KCTD8: variants seen among roughly 807,000 people sequenced by gnomAD.
KCTD8 encodes the protein potassium channel tetramerization domain containing 8.
Under a neutral mutation model 31.5 loss-of-function variants are expected in KCTD8, and 27 were observed. The observed-to-expected ratio is 0.86, with a 90% CI of 0.63 to 1.18. KCTD8 has a LOEUF of 1.18. KCTD8 is among the 50% of genes most tolerant of loss of function. KCTD8 has a pLI of 0.00. For missense variants in KCTD8, 658 were observed against 647.7 expected, an observed-to-expected ratio of 1.02 and a Z score of -0.17; for synonymous variants, 290 against 280.0, an observed-to-expected ratio of 1.04 and a Z score of -0.36.
At chr4:44,414,929 C>T (rs375119452) in intron 1 of KCTD8, among the ~76,000 whole-genome samples, 20 of 152,130 alleles carry the variant, frequency 1.3e-4, no homozygotes, top group African/African-American at 2.7e-4. Context: ...GGAGATTAGA[C>T]GAGTTTGGAG....
intron 1 of KCTD8, among the ~76,000 whole-genome samples, chr4:44,371,065 G>A (rs921572434): frequency 2.0e-5 from 3 of 152,004 alleles, no homozygotes; most frequent in Non-Finnish European, 2.9e-5. Context: ...GAGGCCAATG[G>A]TGTAAATCCA....
chr4:44,421,448 T>G (rs1011477788), intron 1 of KCTD8, among the ~76,000 whole-genome samples: 3 of 152,056 alleles, frequency 2.0e-5, no homozygotes, highest in African/African-American at 7.2e-5. Context: ...CCAACAGAGA[T>G]TCTGATTCAG....
chr4:44,223,060 G>A (rs550204606), intron 1 of KCTD8, among the ~76,000 whole-genome samples: 1 of 152,294 alleles, frequency 6.6e-6, no homozygotes, highest in Admixed American at 6.5e-5. Flanking sequence ...GGGCAATATT[G>A]GAAGCAGGGA....
chr4:44,326,333 A>AT (rs903098043), intron 1 of KCTD8, among the ~76,000 whole-genome samples: 21 of 151,564 alleles, frequency 1.4e-4, no homozygotes, highest in Non-Finnish European at 3.0e-4. Flanking sequence ...AGCTGTCTGC[A>AT]TTTTTTTGCA....
At chr4:44,348,820 A>C (rs1019785200) in intron 1 of KCTD8, among the ~76,000 whole-genome samples, 8 of 152,096 alleles carry the variant, frequency 5.3e-5, no homozygotes, top group Admixed American at 4.6e-4. Flanking sequence ...CCTCCTTGAC[A>C]GGTTGGCAGT....
In KCTD8 at chr4:44,325,704, C is replaced by A. The variant is rs188823770; in HGVS notation, c.961+121859G>T. On this transcript the variant is annotated intron_variant, in intron 1 of 1. Transcript: ENST00000360029. ...AGGCATATGATATATACCTTTGCCC[C>A]AGGCACAAAGATATTATCGGCAGGC... Among the ~76,000 whole-genome samples, 142 of 151,860 alleles carry A rather than the reference C, an allele frequency of 9.4e-4. 1 individual carries two copies. The highest frequency in any genetic ancestry group is 3.4e-3 in the African/African-American group (140 of 41,376).
chr4:44,309,375 G>T (rs1717888902), intron 1 of KCTD8, among the ~76,000 whole-genome samples: 1 of 151,984 alleles, frequency 6.6e-6, no homozygotes, highest in African/African-American at 2.4e-5. Flanking sequence ...ATTAAAAGCA[G>T]GTGTTTGTAC....
At chr4:44,201,330 A>C (rs2109339276) in intron 1 of KCTD8, among the ~76,000 whole-genome samples, 1 of 152,294 alleles carries the variant, frequency 6.6e-6, no homozygotes, top group Non-Finnish European at 1.5e-5. Context: ...ATGGAACCAA[A>C]AAAGAGCCTA....
At chr4:44,415,367 A>G (rs1197562117) in intron 1 of KCTD8, among the ~76,000 whole-genome samples, 1 of 152,188 alleles carries the variant, frequency 6.6e-6, no homozygotes, top group East Asian at 1.9e-4. Flanking sequence ...TAGAGAAAGA[A>G]TCCAAGCAGG....
At chr4:44,398,077 G>A (rs1036706399) in intron 1 of KCTD8, among the ~76,000 whole-genome samples, 2 of 152,080 alleles carry the variant, frequency 1.3e-5, no homozygotes, top group African/African-American at 4.8e-5. Flanking sequence ...TAGGTTCAGA[G>A]AATAAAAGTC....
chr4:44,212,549 G>T (rs1356784844), intron 1 of KCTD8, among the ~76,000 whole-genome samples: 1 of 151,978 alleles, frequency 6.6e-6, no homozygotes, highest in Admixed American at 6.6e-5. Context: ...TCAACATTTG[G>T]TTGGAAAAAT....
chr4:44,375,411 G>C (rs552228483), intron 1 of KCTD8, among the ~76,000 whole-genome samples: 1 of 152,192 alleles, frequency 6.6e-6, no homozygotes, highest in East Asian at 1.9e-4. Flanking sequence ...GAAGGGGGTG[G>C]AGGAACAGGA....
chr4:44,372,382 G>A (rs1002342923), intron 1 of KCTD8, among the ~76,000 whole-genome samples: 2 of 152,106 alleles, frequency 1.3e-5, no homozygotes, highest in African/African-American at 4.8e-5. Context: ...CAGATGCACT[G>A]GTAATGCTAA....
At chr4:44,367,227 T>A (rs1050705412) in intron 1 of KCTD8, among the ~76,000 whole-genome samples, 1 of 152,122 alleles carries the variant, frequency 6.6e-6, no homozygotes, top group Admixed American at 6.5e-5. Flanking sequence ...CCTCCCTTAC[T>A]AGTAGAAATC....
chr4:44,426,674 T>C (rs1721356623), intron 1 of KCTD8, among the ~76,000 whole-genome samples: 1 of 151,768 alleles, frequency 6.6e-6, no homozygotes, highest in Non-Finnish European at 1.5e-5. Context: ...AAAACGAATA[T>C]ATTTATAAGT....
chr4:44,190,255 G>A (rs1713726684), intron 1 of KCTD8, among the ~76,000 whole-genome samples: 1 of 152,164 alleles, frequency 6.6e-6, no homozygotes, highest in Non-Finnish European at 1.5e-5. Context: ...CCTCCCCCTA[G>A]TTCCAGCTTA....
At chr4:44,385,407 G>A (rs531728178) in intron 1 of KCTD8, among the ~76,000 whole-genome samples, 145 of 151,700 alleles carry the variant, frequency 9.6e-4, no homozygotes, top group Non-Finnish European at 1.4e-3. Flanking sequence ...TTACTTATAC[G>A]GTAAAATGAT....
At chr4:44,335,574 A>G (rs576251877) in intron 1 of KCTD8, among the ~76,000 whole-genome samples, 3 of 152,318 alleles carry the variant, frequency 2.0e-5, no homozygotes, top group Admixed American at 1.3e-4. Context: ...AAATTTTTAA[A>G]TAACTCAGGA....
intron 1 of KCTD8, among the ~76,000 whole-genome samples, chr4:44,388,705 G>A (rs1720288723): frequency 6.6e-6 from 1 of 151,738 alleles, no homozygotes; most frequent in South Asian, 2.1e-4. Context: ...CTTTCAGAGG[G>A]TGGAGGGTGG....
Sources: allele counts gnomAD v4.1 joint callset (sites outside exome capture counted in the v4.1 genomes callset), GRCh38; gene constraint gnomAD v4.1.1; transcripts MANE v1.5; gene names NCBI Gene and HGNC (gene_info 2026-07-23, HGNC 2026-07-21).